GLT1D1: variants seen among roughly 807,000 people sequenced by gnomAD.
GLT1D1 encodes the protein glycosyltransferase 1 domain-containing protein 1.
In GLT1D1, 21 loss-of-function variants were observed where a neutral mutation model predicts 28.7. The observed-to-expected ratio is 0.73, with a 90% CI of 0.52 to 1.05. GLT1D1 has a LOEUF of 1.05. GLT1D1 is among the 50% of genes least tolerant of loss of function. The probability of loss-of-function intolerance (pLI) is 0.00; values close to 1 mark genes in which losing one functional copy is unlikely to be tolerated. For missense variants in GLT1D1, 343 were observed against 330.6 expected (o/e 1.04, Z -0.29); for synonymous variants, 147 against 124.8 (o/e 1.18, Z -1.19).
intron 1 of GLT1D1, among the ~76,000 whole-genome samples, chr12:128,856,197 C>T (rs1593037416): frequency 6.6e-6 from 1 of 152,268 alleles, no homozygotes; most frequent in East Asian, 1.9e-4. Flanking sequence ...GGGAGTGTAG[C>T]AGTGAGGACA....
chr12:128,894,496 G>T (rs899874378), intron 3 of GLT1D1, among the ~76,000 whole-genome samples: 1 of 152,058 alleles, frequency 6.6e-6, no homozygotes, highest in African/African-American at 2.4e-5. Flanking sequence ...CCTTACGGAA[G>T]ACTTTCCTCT....
chr12:128,888,383 G>C (rs1325902906), intron 2 of GLT1D1, among the ~76,000 whole-genome samples: 1 of 152,114 alleles, frequency 6.6e-6, no homozygotes, highest in Non-Finnish European at 1.5e-5. Flanking sequence ...TTTTTTATTT[G>C]CTAAAGTTTA....
intron 6 of GLT1D1, among the ~76,000 whole-genome samples, chr12:128,955,309 C>T (rs1877158461): frequency 6.7e-6 from 1 of 149,156 alleles, no homozygotes; most frequent in South Asian, 2.2e-4. Flanking sequence ...TGTACACATA[C>T]AGTCTCTTTC....
intron 6 of GLT1D1, among the ~76,000 whole-genome samples, chr12:128,954,836 C>G (rs977607811): frequency 1.3e-5 from 2 of 152,122 alleles, no homozygotes; most frequent in African/African-American, 4.8e-5. Flanking sequence ...TGCCTGTAGT[C>G]CCAGCTACTA....
At position 128,926,455 on chromosome 12, in the gene GLT1D1, G is replaced by T. The variant is rs1472756117; in HGVS notation, c.376-18871G>T. ...CTCTATCTGGTGGACGCATTTTCAG[G>T]TGTGTTTGCTGGCTACCTTCCTCCA... On this transcript the variant is annotated intron_variant, in intron 4 of 7. Transcript: ENST00000281703. 6.7e-7 allele frequency: 1 copy of T among 1,488,942 alleles called. No homozygotes were observed. Among genetic ancestry groups the T allele is most frequent in the East Asian group, 2.5e-5 (1 of 40,580 alleles). The allele number at this position is 1,488,942 out of a possible 1,614,324, so 92.2% of individuals were successfully genotyped here. A position where few individuals can be genotyped will look rare whatever the true frequency, so the allele number is the denominator to read the frequency against.
intron 7 of GLT1D1, among the ~76,000 whole-genome samples, chr12:128,964,197 C>T (rs1878235563): frequency 1.3e-5 from 2 of 152,232 alleles, no homozygotes; most frequent in South Asian, 2.1e-4. Context: ...GCCTGGCCAA[C>T]ATGGAGAAAC....
At chr12:128,912,544 A>T in intron 4 of GLT1D1, 84 bp downstream of exon 5, 1 of 526,796 alleles carries the variant, frequency 1.9e-6, no homozygotes, top group Non-Finnish European at 3.1e-6. Context: ...ATATGTGATA[A>T]ATATATATAT....
At chr12:128,963,931 G>A (rs779288158) in intron 7 of GLT1D1, among the ~76,000 whole-genome samples, 4 of 152,198 alleles carry the variant, frequency 2.6e-5, no homozygotes, top group African/African-American at 4.8e-5. Flanking sequence ...GTCTGTTCCG[G>A]CTGCAGTAAC....
At chr12:128,934,587 T>A (rs1335805864) in intron 4 of GLT1D1, among the ~76,000 whole-genome samples, 2 of 151,750 alleles carry the variant, frequency 1.3e-5, no homozygotes, top group African/African-American at 2.4e-5. Context: ...TCGCAGGAGG[T>A]CCCAATGAAG....
chr12:128,961,618 G>C (rs1273441711), intron 7 of GLT1D1, among the ~76,000 whole-genome samples: 2 of 152,222 alleles, frequency 1.3e-5, no homozygotes, highest in African/African-American at 4.8e-5. Flanking sequence ...CAGGAGCTTA[G>C]ATGTCTCTGT....
rs150978677 is a variant in GLT1D1, at chr12:128,952,283, G to T, written c.540+4825G>T. Among the ~76,000 whole-genome samples the T allele has an allele frequency of 1.0e-3, 155 of 151,870 alleles. 1 individual carries two copies. The highest frequency in any genetic ancestry group is 3.6e-3 in the African/African-American group (151 of 41,394). The stretch of plus-strand genomic sequence containing the variant: ...AGTGGGTGGCGGGGATGTGCTCAGG[G>T]AGGCTCCATGCTGTCATGGGCTGAA... On this transcript the variant is annotated intron_variant, in intron 6 of 7. Coordinates refer to ENST00000281703, the MANE Select transcript of GLT1D1 (RefSeq NM_144669.3).
Position 128,930,971 on chromosome 12 carries a change from CGGAGGAAATA to C in GLT1D1, c.376-14354_376-14345del, listed in dbSNP as rs1417296734. On this transcript the variant is annotated intron_variant, in intron 4 of 7. Coordinates refer to ENST00000281703, the MANE Select transcript of GLT1D1 (RefSeq NM_144669.3). ...GCAATCAGAAATGTTTTTCACCTCC[CGGAGGAAATA>C]CGTCTCTTCTACCACCCTTTTTTTT... is the stretch of plus-strand genomic sequence containing the variant. Among the ~76,000 whole-genome samples, 6 of 151,142 alleles carry C rather than the reference CGGAGGAAATA, an allele frequency of 4.0e-5. No individual in the cohort carries two copies. In the East Asian group the frequency reaches 9.7e-4, roughly 24 times the overall value.
rs1880575751 is a variant in GLT1D1 at position 128,984,050 on chromosome 12, A to G, written c.*960A>G. 6.6e-6 allele frequency: 1 copy of G among 152,182 alleles called. No individual in the cohort carries two copies. Among genetic ancestry groups the G allele is most frequent in the South Asian group, 2.1e-4 (1 of 4,826 alleles). The allele number at this position is 152,182 out of a possible 1,614,324, so 9.4% of individuals were successfully genotyped here. A position where few individuals can be genotyped will look rare whatever the true frequency, so the allele number is the denominator to read the frequency against. On this transcript the variant is annotated 3_prime_UTR_variant, in exon 8 of 8. Transcript: ENST00000281703. ...CGTGCAGTCTTCCTTGTCCTCTCCT[A>G]GTGGAATTTGCCTGGGAGAACCTCC...
At chr12:128,980,078 C>T (rs1328859905) in intron 7 of GLT1D1, among the ~76,000 whole-genome samples, 2 of 152,228 alleles carry the variant, frequency 1.3e-5, no homozygotes, top group African/African-American at 4.8e-5. Context: ...TGCCCCACGG[C>T]CTGGCAACAT....
chr12:128,891,479 G>A (rs145909802), intron 3 of GLT1D1, among the ~76,000 whole-genome samples: 271 of 152,294 alleles, frequency 1.8e-3, no homozygotes, highest in African/African-American at 6.1e-3. Flanking sequence ...TTGAATCATT[G>A]TAGAGAACAA....
chr12:128,941,489 G>T (rs1416481959), intron 4 of GLT1D1, among the ~76,000 whole-genome samples: 3 of 151,974 alleles, frequency 2.0e-5, no homozygotes, highest in Non-Finnish European at 4.4e-5. Flanking sequence ...ACCACACTCA[G>T]GTGTAGCCAT....
intron 4 of GLT1D1, among the ~76,000 whole-genome samples, chr12:128,905,326 C>T (rs1015544926): frequency 6.6e-6 from 1 of 152,238 alleles, no homozygotes; most frequent in Non-Finnish European, 1.5e-5. Context: ...CCTGGATCAG[C>T]CACGTGGCCA....
At chr12:128,928,952 G>A (rs1873577594) in intron 4 of GLT1D1, among the ~76,000 whole-genome samples, 1 of 152,142 alleles carries the variant, frequency 6.6e-6, no homozygotes, top group African/African-American at 2.4e-5. Flanking sequence ...CAGGGTTGCT[G>A]CTATGGCCTG....
rs962207564 is a variant in GLT1D1, at chr12:128,879,372, T to C, written c.217+3310T>C. 3.0e-3 allele frequency among the ~76,000 whole-genome samples: 419 copies of C among 141,376 alleles called. 17 individuals carry two copies. Among genetic ancestry groups the C allele is most frequent in the African/African-American group, 0.011 (401 of 34,956 alleles). The allele number at this position is 141,376 out of a possible 152,430, so 92.7% of individuals were successfully genotyped here. The stretch of plus-strand genomic sequence containing the variant: ...TTCTGTAAAGTGATACTTATTATTT[T>C]TTTCTTTTTCTTTCTTTCTTTCTTT... On this transcript the variant is annotated intron_variant, in intron 2 of 7. Transcript: ENST00000281703.
Sources: allele counts gnomAD v4.1 joint callset (sites outside exome capture counted in the v4.1 genomes callset), GRCh38; gene constraint gnomAD v4.1.1; transcripts MANE v1.5; gene names NCBI Gene and HGNC (gene_info 2026-07-23, HGNC 2026-07-21).